TRPM3: variants seen among roughly 807,000 people sequenced by gnomAD.
TRPM3 encodes transient receptor potential cation channel subfamily M member 3.
TRPM3 carries 77 observed loss-of-function variants against 181.2 expected under a neutral mutation model. The observed-to-expected ratio is 0.42, with a 90% CI of 0.35 to 0.51. TRPM3 has a LOEUF of 0.51. TRPM3 is among the 20% of genes least tolerant of loss of function. TRPM3 has a pLI of 0.01. For synonymous variants in TRPM3, 745 were observed against 796.4 expected (o/e 0.94, Z 1.09); for missense variants, 1,759 against 2,196.7 (o/e 0.80, Z 3.98).
At chr9:70,800,535 C>T (rs909747403) in intron 6 of TRPM3, among the ~76,000 whole-genome samples, 2 of 152,246 alleles carry the variant, frequency 1.3e-5, no homozygotes, top group African/African-American at 2.4e-5. Context: ...TCTACCTCTG[C>T]CACTTCATGA....
At chr9:71,263,715 C>T (rs1227764174) in intron 1 of TRPM3, among the ~76,000 whole-genome samples, 1 of 151,260 alleles carries the variant, frequency 6.6e-6, no homozygotes, top group Non-Finnish European at 1.5e-5. Context: ...TGTACAAGGG[C>T]CTTGGAATCA....
chr9:70,979,107 T>A (rs895489909), intron 1 of TRPM3, among the ~76,000 whole-genome samples: 3 of 152,194 alleles, frequency 2.0e-5, no homozygotes, highest in African/African-American at 7.2e-5. Context: ...TTCGTGATCC[T>A]AGTGACAGGT....
Position 71,380,065 on chromosome 9 carries a change from T to C in TRPM3, c.183+66588A>G, listed in dbSNP as rs142112151. Among the ~76,000 whole-genome samples, 144 of 152,178 alleles carry C rather than the reference T, an allele frequency of 9.5e-4. 1 individual carries two copies. The highest frequency in any genetic ancestry group is 6.0e-3 in the South Asian group (29 of 4,824). On this transcript the variant is annotated intron_variant, in intron 1 of 24. Transcript: ENST00000357533. ...ACTGATGTTTTTCCAAGAGTGTGTA[T>C]GTATAGTTTCAGGAAATACAAGTCT...
In TRPM3 at chr9:71,168,625, T is replaced by C. The variant is rs1283481179; in HGVS notation, c.183+278028A>G. ...TTTTTATTTATTTTTTTATTATTATTTTTTTATTATTTTTTATTTTTTTTT... is the reference window on the plus strand; with the variant it reads ...TTTTTATTTATTTTTTTATTATTATCTTTTTATTATTTTTTATTTTTTTTT... On this transcript the variant is annotated intron_variant, in intron 1 of 24. Transcript: ENST00000357533. Among the ~76,000 whole-genome samples, 3 of 145,938 alleles carry C rather than the reference T, an allele frequency of 2.1e-5. No individual in the cohort carries two copies. The East Asian group carries it at 5.9e-4, about 29-fold the overall frequency.
At chr9:70,792,858 T>C (rs2085859178) in intron 6 of TRPM3, among the ~76,000 whole-genome samples, 1 of 152,024 alleles carries the variant, frequency 6.6e-6, no homozygotes. Flanking sequence ...ATAGAGAAAA[T>C]TGTGCAGGTG....
chr9:70,845,959 T>C (rs969902710), intron 4 of TRPM3, among the ~76,000 whole-genome samples: 1 of 152,246 alleles, frequency 6.6e-6, no homozygotes, highest in Non-Finnish European at 1.5e-5. Context: ...TTTGCCTTTA[T>C]GTCCCAGATG....
At chr9:70,647,592 A>G (rs749502451) in intron 9 of TRPM3, among the ~76,000 whole-genome samples, 12 of 152,354 alleles carry the variant, frequency 7.9e-5, no homozygotes, top group Non-Finnish European at 1.6e-4. Context: ...ATCATACTGA[A>G]CAGGCGAAAG....
intron 1 of TRPM3, among the ~76,000 whole-genome samples, chr9:71,047,485 A>G (rs768687020): frequency 9.9e-5 from 15 of 152,220 alleles, no homozygotes; most frequent in South Asian, 4.1e-4. Context: ...TTAAGAATGT[A>G]CGCATGTCAC....
At chr9:71,381,639 A>G (rs754010827) in intron 1 of TRPM3, among the ~76,000 whole-genome samples, 1 of 152,166 alleles carries the variant, frequency 6.6e-6, no homozygotes, top group Non-Finnish European at 1.5e-5. Flanking sequence ...ACAAGTGTTC[A>G]CAACATGACT....
At chr9:70,638,669 A>C (rs2133543760) in intron 11 of TRPM3, among the ~76,000 whole-genome samples, 1 of 152,318 alleles carries the variant, frequency 6.6e-6, no homozygotes, top group South Asian at 2.1e-4. Flanking sequence ...TCTGAGGATA[A>C]AAAATGGCGC....
chr9:71,304,134 TG>T (rs2087038784), intron 1 of TRPM3, among the ~76,000 whole-genome samples: 1 of 152,154 alleles, frequency 6.6e-6, no homozygotes, highest in Non-Finnish European at 1.5e-5. Context: ...ACATAATTGA[TG>T]CAACAAATTG....
In TRPM3 at chr9:70,619,587, AT is replaced by A. The variant is rs1010275473; in HGVS notation, c.2129+488del. On this transcript the variant is annotated intron_variant, in intron 16 of 25. Coordinates refer to ENST00000677713, the MANE Select transcript of TRPM3 (RefSeq NM_001366145.2). ...CACCATCACACCCAGCTAATTTTTAATTTTTTTTTTGGAGATGGGGTCTTGC... is the reference window on the plus strand; with the variant it reads ...CACCATCACACCCAGCTAATTTTTAATTTTTTTTTGGAGATGGGGTCTTGC... Among the ~76,000 whole-genome samples, 207 of 146,356 alleles carry A rather than the reference AT, an allele frequency of 1.4e-3. No individual in the cohort carries two copies. In the Middle Eastern group the frequency reaches 0.017, roughly 12 times the overall value.
chr9:71,220,356 T>TTTATTATTATTA lies in TRPM3; in HGVS notation c.183+226285_183+226296dup, dbSNP rs34805476. ...TACTCTTTAATTTTGAAAAGTCTGA[T>TTTATTATTATTA]TTATTATTATTATTATTATTATTAT... On this transcript the variant is annotated intron_variant, in intron 1 of 24. Coordinates refer to the TRPM3 transcript ENST00000357533. Among the ~76,000 whole-genome samples, 902 of 145,926 alleles carry TTTATTATTATTA rather than the reference T, an allele frequency of 6.2e-3. 16 individuals carry two copies. Among genetic ancestry groups the TTTATTATTATTA allele is most frequent in the African/African-American group, 0.021 (842 of 40,142 alleles).
intron 4 of TRPM3, among the ~76,000 whole-genome samples, chr9:70,844,587 C>T (rs2094870939): frequency 1.3e-5 from 2 of 152,172 alleles, no homozygotes; most frequent in South Asian, 2.1e-4. Flanking sequence ...AGAAGTTTAA[C>T]GTTATGGTAT....
intron 18 of TRPM3, among the ~76,000 whole-genome samples, chr9:70,612,205 A>G (rs1368687841): frequency 1.3e-5 from 2 of 152,224 alleles, no homozygotes; most frequent in Admixed American, 1.3e-4. Context: ...AAAAAGTGTT[A>G]TTAGAATCTA....
In TRPM3 at chr9:71,061,434, C is replaced by T. The variant is rs1461581032; in HGVS notation, c.177+59744G>A. Reference sequence around the variant, plus strand: ...AGAAAGTTCTGTCTGCAAAATTCACCCCTGGCTGGTGTCAGGAAAGTTGGA... The same window carrying T: ...AGAAAGTTCTGTCTGCAAAATTCACTCCTGGCTGGTGTCAGGAAAGTTGGA... On this transcript the variant is annotated intron_variant, in intron 1 of 25. Transcript: ENST00000677713. Among the ~76,000 whole-genome samples, 4 of 152,082 alleles carry T rather than the reference C, an allele frequency of 2.6e-5. No individual in the cohort carries two copies. The South Asian group carries it at 6.2e-4, about 24-fold the overall frequency.
chr9:71,205,256 A>C (rs1020842032), intron 1 of TRPM3, among the ~76,000 whole-genome samples: 4 of 152,198 alleles, frequency 2.6e-5, no homozygotes, highest in Non-Finnish European at 5.9e-5. Context: ...AATAAAAAAA[A>C]ATTAATCTCA....
chr9:70,615,814 C>G (rs2062698192), intron 18 of TRPM3, 94 bp downstream of exon 18: 1 of 1,293,348 alleles, frequency 7.7e-7, no homozygotes, highest in African/African-American at 1.5e-5. Context: ...GAACAGATGT[C>G]TGACCTAAGG....
intron 1 of TRPM3, among the ~76,000 whole-genome samples, chr9:71,079,420 G>A (rs1268422942): frequency 6.6e-6 from 1 of 152,156 alleles, no homozygotes; most frequent in Non-Finnish European, 1.5e-5. Context: ...CTGTAATAAA[G>A]ACCAGGCCAA....
Sources: gnomAD v4.1 joint callset for allele counts (sites outside exome capture counted in the v4.1 genomes callset) on GRCh38, gnomAD v4.1.1 for gene constraint, MANE v1.5 for transcripts, NCBI Gene and HGNC (gene_info 2026-07-23, HGNC 2026-07-21) for gene names.